Variants in CDH4 observed in about 807,000 individuals in gnomAD.
CDH4 encodes cadherin 4.
CDH4 carries 33 observed loss-of-function variants against 86.0 expected under a neutral mutation model. The observed-to-expected ratio is 0.38, with a 90% confidence interval of 0.29 to 0.51. The LOEUF is 0.51. Ranked by LOEUF, CDH4 falls within the 20% of genes least tolerant of loss-of-function variation. The pLI is 0.86. For missense variants in CDH4, 1,114 were observed against 1,307.4 expected (o/e 0.85, Z 2.28); for synonymous variants, 555 against 549.4 (o/e 1.01, Z -0.14).
At position 61,511,356 on chromosome 20, in the gene CDH4, C is replaced by T. The variant is rs1054946267; in HGVS notation, c.170-232207C>T. Among the ~76,000 whole-genome samples the T allele has an allele frequency of 5.9e-5, 9 of 152,236 alleles. No individual in the cohort carries two copies. The South Asian group carries it at 8.3e-4, about 14-fold the overall frequency. On this transcript the variant is annotated intron_variant, in intron 2 of 15. Coordinates refer to ENST00000614565, the MANE Select transcript of CDH4 (RefSeq NM_001794.5). The stretch of plus-strand genomic sequence containing the variant: ...ATCCCCTCCTGCCCCTCTAACTCCA[C>T]GGCTTGTGCCAGGAAGACCCTGCTC...
chr20:61,832,005 A>G (rs1013511576), intron 4 of CDH4, among the ~76,000 whole-genome samples: 3 of 124,682 alleles, frequency 2.4e-5, no homozygotes, highest in African/African-American at 7.5e-5. Context: ...TCCTTTGACC[A>G]GGAGACCACC....
intron 2 of CDH4, among the ~76,000 whole-genome samples, chr20:61,665,545 G>A (rs907753813): frequency 6.6e-5 from 10 of 152,140 alleles, no homozygotes; most frequent in African/African-American, 1.2e-4. Flanking sequence ...CGAGGTCCCC[G>A]TCAGATCTCC....
chr20:61,590,806 A>T (rs2086512840), intron 2 of CDH4, among the ~76,000 whole-genome samples: 1 of 142,816 alleles, frequency 7.0e-6, no homozygotes, highest in Non-Finnish European at 1.5e-5. Flanking sequence ...TAAATACCTG[A>T]CCTTTTAAAG....
chr20:61,483,418 G>A (rs752684580), intron 2 of CDH4, among the ~76,000 whole-genome samples: 2 of 152,142 alleles, frequency 1.3e-5, no homozygotes, highest in Non-Finnish European at 2.9e-5. Context: ...TCCTCATGTC[G>A]ATTGCTTGAA....
intron 2 of CDH4, among the ~76,000 whole-genome samples, chr20:61,433,441 C>T (rs1365822256): frequency 6.6e-6 from 1 of 152,018 alleles, no homozygotes; most frequent in Non-Finnish European, 1.5e-5. Context: ...TTACTCCTTC[C>T]AAAATTGCTT....
chr20:61,441,889 C>T (rs527382950), intron 2 of CDH4, among the ~76,000 whole-genome samples: 13 of 152,288 alleles, frequency 8.5e-5, no homozygotes, highest in Non-Finnish European at 1.9e-4. Context: ...GCAGGTGGCA[C>T]GGCACGTTCA....
chr20:61,846,159 G>T (rs1251574258), intron 5 of CDH4, among the ~76,000 whole-genome samples: 1 of 152,236 alleles, frequency 6.6e-6, no homozygotes, highest in East Asian at 1.9e-4. Flanking sequence ...TTGGGAGGTG[G>T]CTGCCCTAAC....
At chr20:61,749,641 GA>G (rs36029666) in intron 3 of CDH4, among the ~76,000 whole-genome samples, 11,073 of 147,578 alleles carry the variant, frequency 0.075, 455 homozygotes, top group South Asian at 0.16. Flanking sequence ...CCTTGGGCAG[GA>G]AAAAAAAAAA....
At chr20:61,353,331 C>T (rs994198607) in intron 2 of CDH4, among the ~76,000 whole-genome samples, 3 of 152,064 alleles carry the variant, frequency 2.0e-5, no homozygotes, top group Non-Finnish European at 4.4e-5. Context: ...CAGCCTGTAT[C>T]TGGACTAATA....
intron 6 of CDH4, among the ~76,000 whole-genome samples, chr20:61,858,108 T>G (rs926519658): frequency 2.0e-5 from 3 of 151,444 alleles, no homozygotes; most frequent in Non-Finnish European, 2.9e-5. Flanking sequence ...TGTCTCTGTT[T>G]CTGTGTGTCT....
chr20:61,599,989 G>T, intron 2 of CDH4: 1 of 979,962 alleles, frequency 1.0e-6, no homozygotes, highest in Non-Finnish European at 1.2e-6. Context: ...TGAAGTGACA[G>T]GTACCCCGTG....
chr20:61,908,839 G>A (rs901635890), intron 8 of CDH4, among the ~76,000 whole-genome samples: 7 of 152,216 alleles, frequency 4.6e-5, no homozygotes, highest in South Asian at 4.1e-4. Context: ...ACAAAGCCCC[G>A]TCCCAACGGG....
At chr20:61,496,520 G>T (rs1315206979) in intron 2 of CDH4, among the ~76,000 whole-genome samples, 1 of 152,114 alleles carries the variant, frequency 6.6e-6, no homozygotes, top group Admixed American at 6.5e-5. Context: ...AAGTGCAGAC[G>T]TCAGTATACT....
chr20:61,283,872 A>G (rs2084278574), intron 2 of CDH4, among the ~76,000 whole-genome samples: 1 of 152,216 alleles, frequency 6.6e-6, no homozygotes, highest in Non-Finnish European at 1.5e-5. Flanking sequence ...CACTGGCTGT[A>G]CCATGTCCCC....
At chr20:61,674,840 A>G (rs900404306) in intron 2 of CDH4, among the ~76,000 whole-genome samples, 6 of 152,194 alleles carry the variant, frequency 3.9e-5, no homozygotes, top group African/African-American at 1.2e-4. Context: ...GTCGTCAGCA[A>G]CCTACAGTCC....
At chr20:61,866,323 A>AT (rs1366915145) in intron 6 of CDH4, among the ~76,000 whole-genome samples, 2 of 151,984 alleles carry the variant, frequency 1.3e-5, no homozygotes, top group African/African-American at 4.8e-5. Context: ...CACACCTGCG[A>AT]TTTTTTCCTT....
At chr20:61,374,684 C>A (rs1203049068) in intron 2 of CDH4, among the ~76,000 whole-genome samples, 2 of 152,174 alleles carry the variant, frequency 1.3e-5, no homozygotes, top group Non-Finnish European at 2.9e-5. Flanking sequence ...TCGGTTTGGG[C>A]CTTGAGTGGA....
intron 2 of CDH4, among the ~76,000 whole-genome samples, chr20:61,700,247 C>A (rs924517678): frequency 3.3e-5 from 5 of 152,184 alleles, no homozygotes; most frequent in Non-Finnish European, 7.3e-5. Flanking sequence ...ACATACATTC[C>A]CTAGATCTGC....
At chr20:61,669,732 C>G (rs962993222) in intron 2 of CDH4, among the ~76,000 whole-genome samples, 1 of 152,194 alleles carries the variant, frequency 6.6e-6, no homozygotes, top group Non-Finnish European at 1.5e-5. Flanking sequence ...TCCTCCCTCT[C>G]AATCTTCCCG....
Sources: allele counts gnomAD v4.1 joint callset (sites outside exome capture counted in the v4.1 genomes callset), GRCh38; gene constraint gnomAD v4.1.1; transcripts MANE v1.5; gene names NCBI Gene and HGNC (gene_info 2026-07-23, HGNC 2026-07-21).